Variants in OCM observed in about 807,000 individuals in gnomAD.
OCM encodes oncomodulin-1.
A neutral mutation model predicts 14.1 loss-of-function variants in OCM; 18 were observed. The ratio of observed to expected loss-of-function variants is 1.28; its 90% CI spans 0.88 to 1.89. The LOEUF is 1.89. Ranked by LOEUF, OCM falls within the 40% of genes most tolerant of loss-of-function variation. The pLI is 0.00. For synonymous variants in OCM, 48 were observed against 51.0 expected, an observed-to-expected ratio of 0.94 and a Z score of 0.25; for missense variants, 140 against 137.6, an observed-to-expected ratio of 1.02 and a Z score of -0.09.
the OCM span, among the ~76,000 whole-genome samples, chr7:5,872,845 TCCGAGAAA>T: frequency 6.6e-6 from 1 of 151,696 alleles, no homozygotes; most frequent in Non-Finnish European, 1.5e-5. Context: ...CATCCCCCTC[TCCGAGAAA>T]CACCCAAGAA....
intron 3 of OCM, among the ~76,000 whole-genome samples, chr7:5,885,855 C>T (rs1158733239): frequency 4.6e-5 from 7 of 152,120 alleles, no homozygotes; most frequent in South Asian, 4.1e-4. Context: ...ATGATCCACC[C>T]GCCTCGGCCT....
chr7:5,870,770 A>G, the OCM span, among the ~76,000 whole-genome samples: 2 of 152,212 alleles, frequency 1.3e-5, no homozygotes, highest in African/African-American at 2.4e-5. Flanking sequence ...TGTTAGCATA[A>G]GTATGCAGTC....
At chr7:5,868,199 T>C in the OCM span, among the ~76,000 whole-genome samples, 1 of 152,160 alleles carries the variant, frequency 6.6e-6, no homozygotes, top group Non-Finnish European at 1.5e-5. Flanking sequence ...AAGGCTGGAA[T>C]GCAGTGGCAA....
At chr7:5,877,487 AAAAC>A (rs757868398), upstream of OCM, among the ~76,000 whole-genome samples, 20 of 151,922 alleles carry the variant, frequency 1.3e-4, no homozygotes, top group African/African-American at 2.2e-4. Flanking sequence ...ATAAAAATGA[AAAAC>A]AAACAAATAA....
the OCM span, among the ~76,000 whole-genome samples, chr7:5,870,049 T>C: frequency 7.3e-6 from 1 of 137,166 alleles, no homozygotes; most frequent in Non-Finnish European, 1.6e-5. Flanking sequence ...TTCTTCGTTA[T>C]TATATATTTT....
chr7:5,865,165 G>A, the OCM span, among the ~76,000 whole-genome samples: 7 of 151,760 alleles, frequency 4.6e-5, no homozygotes, highest in African/African-American at 1.7e-4. Flanking sequence ...GTGTTTCCTG[G>A]CCAGCGTCGG....
chr7:5,875,323 C>T (rs1444898863), upstream of OCM, among the ~76,000 whole-genome samples: 1 of 152,076 alleles, frequency 6.6e-6, no homozygotes, highest in Non-Finnish European at 1.5e-5. Context: ...TGCCAAAGTG[C>T]TGGGATTACA....
At chr7:5,881,629 CTAAA>C (rs113644646) in intron 1 of OCM, among the ~76,000 whole-genome samples, 15,966 of 148,664 alleles carry the variant, frequency 0.11, 1,163 homozygotes, top group Admixed American at 0.27. Context: ...GACTCTGGCT[CTAAA>C]TAAATAAATA....
upstream of OCM, among the ~76,000 whole-genome samples, chr7:5,879,115 C>T (rs1206326400): frequency 1.3e-5 from 2 of 152,060 alleles, no homozygotes; most frequent in Non-Finnish European, 2.9e-5. Context: ...GTGGGAGGAT[C>T]GCTTGAGCCT....
rs1203411842 is a variant in OCM, at chr7:5,882,442, C to G, written c.62-51C>G. ...TGTGTTTTTAGTACCTTGGCCCCAA[C>G]ATAGAATGTGATCCAACAAGCGTCA... On this transcript the variant is annotated intron_variant, in intron 1 of 3. Coordinates refer to ENST00000242104, the MANE Select transcript of OCM (RefSeq NM_001097622.2). 3 of 1,600,608 alleles carry G rather than the reference C, an allele frequency of 1.9e-6. No homozygotes were observed. The African/African-American group carries it at 4.0e-5, about 21-fold the overall frequency.
At chr7:5,862,647 G>T in the OCM span, among the ~76,000 whole-genome samples, 1 of 152,150 alleles carries the variant, frequency 6.6e-6, no homozygotes, top group Admixed American at 6.5e-5. Context: ...AGCTCAAGAT[G>T]AATGCAGCAT....
intron 3 of OCM, 97 bp from the exon 4 acceptor site, chr7:5,885,967 T>A (rs1277799743): frequency 6.6e-7 from 1 of 1,517,180 alleles, no homozygotes; most frequent in Admixed American, 1.7e-5. Context: ...ACAATTTTCT[T>A]TGCTTCCTTC....
chr7:5,875,958 A>C (rs1185967924), upstream of OCM, among the ~76,000 whole-genome samples: 1 of 151,070 alleles, frequency 6.6e-6, no homozygotes, highest in African/African-American at 2.4e-5. Context: ...ACCTCAGCCT[A>C]CTGAGCAGCC....
upstream of OCM, among the ~76,000 whole-genome samples, chr7:5,877,220 T>C (rs1781112200): frequency 6.6e-6 from 1 of 152,036 alleles, no homozygotes. Flanking sequence ...TCCCAGCACT[T>C]TGGGAAGCCA....
chr7:5,883,789 G>A (rs768955034), intron 2 of OCM, 101 bp from the exon 3 acceptor site: 349 of 1,399,600 alleles, frequency 2.5e-4, no homozygotes, highest in Non-Finnish European at 3.3e-4. Flanking sequence ...AATTATTGCC[G>A]GTGCTGGAAA....
upstream of OCM, among the ~76,000 whole-genome samples, chr7:5,878,917 A>C (rs1781152754): frequency 6.8e-6 from 1 of 147,038 alleles, no homozygotes; most frequent in Non-Finnish European, 1.5e-5. Flanking sequence ...GCAGTGGTTC[A>C]TTCCTGTAAT....
rs926770015 is a variant in OCM, at chr7:5,882,474, C to T, written c.62-19C>T. On this transcript the variant is annotated intron_variant, in intron 1 of 3. Coordinates refer to ENST00000242104, the MANE Select transcript of OCM (RefSeq NM_001097622.2). Reference sequence around the variant, plus strand: ...TGTGATCCAACAAGCGTCAGAATAACCAATTCTCTGTTCTTCAGACCCAGA... The same window carrying T: ...TGTGATCCAACAAGCGTCAGAATAATCAATTCTCTGTTCTTCAGACCCAGA... The T allele has an allele frequency of 1.9e-6, 3 of 1,613,360 alleles. No homozygotes were observed. The African/African-American group carries it at 4.0e-5, about 22-fold the overall frequency.
chr7:5,863,668 G>T, the OCM span, among the ~76,000 whole-genome samples: 1 of 151,998 alleles, frequency 6.6e-6, no homozygotes, highest in East Asian at 1.9e-4. Flanking sequence ...AGGTAGCTGG[G>T]ATTACAGGTG....
At chr7:5,866,637 G>A in the OCM span, among the ~76,000 whole-genome samples, 5 of 152,164 alleles carry the variant, frequency 3.3e-5, no homozygotes, top group Non-Finnish European at 7.3e-5. Context: ...CCTGTGTACT[G>A]AGAATTTAAA....
Sources: gnomAD v4.1 joint callset for allele counts (sites outside exome capture counted in the v4.1 genomes callset) on GRCh38, gnomAD v4.1.1 for gene constraint, MANE v1.5 for transcripts, NCBI Gene and HGNC (gene_info 2026-07-23, HGNC 2026-07-21) for gene names.